The following TECPR2 variants were observed in gnomAD, a reference collection of about 807,000 sequenced individuals.
The protein encoded by TECPR2 is tectonin beta-propeller repeat containing 2.
Under a neutral mutation model 138.1 loss-of-function variants are expected in TECPR2, and 65 were observed. The ratio of observed to expected loss-of-function variants is 0.47; its 90% CI spans 0.39 to 0.58. The LOEUF (loss-of-function observed/expected upper bound fraction) is 0.58, where lower values mean the gene tolerates loss of function less well. Among genes scored for constraint, TECPR2 ranks in the 20% least tolerant of loss-of-function variants. The pLI is 0.00. For synonymous variants in TECPR2, 746 were observed against 749.8 expected, an observed-to-expected ratio of 0.99 and a Z score of 0.08; for missense variants, 1,553 against 1,824.5, an observed-to-expected ratio of 0.85 and a Z score of 2.71.
At chr14:102,436,261 T>G (rs1313408757) in intron 9 of TECPR2, among the ~76,000 whole-genome samples, 1 of 152,082 alleles carries the variant, frequency 6.6e-6, no homozygotes, top group Non-Finnish European at 1.5e-5. Context: ...TGAAACATGC[T>G]GCTTACTTGT....
intron 2 of TECPR2, among the ~76,000 whole-genome samples, chr14:102,399,349 T>C (rs1274292182): frequency 6.6e-6 from 1 of 152,146 alleles, no homozygotes; most frequent in Non-Finnish European, 1.5e-5. Context: ...AAAGAAGACC[T>C]GTCAACTAAC....
chr14:102,429,257 A>C (rs1028366102), intron 7 of TECPR2, among the ~76,000 whole-genome samples: 2 of 152,164 alleles, frequency 1.3e-5, no homozygotes, highest in Non-Finnish European at 2.9e-5. Context: ...ATGGTTGTGG[A>C]AGATGGGGAG....
intron 17 of TECPR2, among the ~76,000 whole-genome samples, chr14:102,489,632 G>C (rs1255315406): frequency 6.6e-6 from 1 of 151,280 alleles, no homozygotes; most frequent in Admixed American, 6.6e-5. Flanking sequence ...TTGAACATGA[G>C]AGGCAGAGGT....
chr14:102,496,735 G>C (rs1031491439), intron 17 of TECPR2: 4 of 549,140 alleles, frequency 7.3e-6, no homozygotes, highest in Non-Finnish European at 1.3e-5. Context: ...TTGGCCTCCT[G>C]CTGGAGTCCA....
Position 102,498,301 on chromosome 14 carries a change from C to T in TECPR2, c.*44C>T, listed in dbSNP as rs763587732. 5.5e-5 allele frequency: 86 copies of T among 1,567,448 alleles called. No homozygotes were observed. The highest frequency in any genetic ancestry group is 5.4e-4 in the African/African-American group (40 of 74,598). ...ACGCGGAGGGGCCCGGCGTCTGTGGCGGGCACAGGGGCTTCAGAGTGACTC... is the reference window on the plus strand; with the variant it reads ...ACGCGGAGGGGCCCGGCGTCTGTGGTGGGCACAGGGGCTTCAGAGTGACTC... On this transcript the variant is annotated 3_prime_UTR_variant, in exon 20 of 20. Coordinates refer to ENST00000359520, the MANE Select transcript of TECPR2 (RefSeq NM_014844.5).
chr14:102,497,503 C>A (rs367844480), intron 18 of TECPR2, 67 bp from the exon 19 acceptor site: 2 of 1,413,876 alleles, frequency 1.4e-6, no homozygotes, highest in African/African-American at 1.5e-5. Context: ...TCACAAGAGT[C>A]GGCTTGGGAA....
At chr14:102,482,980 A>G (rs1301433733) in intron 17 of TECPR2, among the ~76,000 whole-genome samples, 1 of 149,800 alleles carries the variant, frequency 6.7e-6, no homozygotes, top group Non-Finnish European at 1.5e-5. Flanking sequence ...AGTAGCTGGG[A>G]CTACAGGCGC....
At chr14:102,452,981 G>A (rs1348989261) in intron 16 of TECPR2, among the ~76,000 whole-genome samples, 1 of 152,220 alleles carries the variant, frequency 6.6e-6, no homozygotes, top group Non-Finnish European at 1.5e-5. Context: ...CTGAAAAGCT[G>A]AAAAGATGGG....
At chr14:102,445,729 C>T in intron 12 of TECPR2, 77 bp from the exon 13 acceptor site, 1 of 1,500,452 alleles carries the variant, frequency 6.7e-7, no homozygotes, top group Non-Finnish European at 9.0e-7. Flanking sequence ...CCGGGAGACC[C>T]TGGATGTCCG....
rs546457548 is a variant in TECPR2, at chr14:102,434,489, G to T, written c.1672G>T (p.Asp558Tyr). The T allele has an allele frequency of 6.4e-7, 1 of 1,561,916 alleles. No individual in the cohort carries two copies. Among genetic ancestry groups the T allele is most frequent in the South Asian group, 1.2e-5 (1 of 82,402 alleles). ...NVLEVSGSMP[D>Y]SLAEEDDIRT... is the part of the protein sequence containing the mutation. ...CCTGGAGGTGTCAGGATCAATGCCT[G>T]ATTCTCTGGCTGAGGAAGATGACAT... Residue 558 changes from aspartate to tyrosine, a missense_variant, in exon 9 of 20, where the codon GAT becomes TAT. By Grantham distance (160) the Asp-to-Tyr change is radical (BLOSUM62 -3). Coordinates refer to ENST00000359520, the MANE Select transcript of TECPR2 (RefSeq NM_014844.5).
intron 2 of TECPR2, among the ~76,000 whole-genome samples, chr14:102,400,503 G>A (rs76354307): frequency 0.038 from 5,721 of 152,266 alleles, 121 homozygotes; most frequent in Middle Eastern, 0.088. Flanking sequence ...CAGCTGTAAT[G>A]GAGTGGAGCT....
In TECPR2 at chr14:102,443,721, C is replaced by A. The variant is rs376227334; in HGVS notation, c.2827C>A (p.Arg943=). The change falls in exon 12 of 20, where the codon CGG becomes AGG. Residue 943 remains arginine (R), a synonymous_variant. Coordinates refer to ENST00000359520, the MANE Select transcript of TECPR2 (RefSeq NM_014844.5). This position sits in a 1 kb window ranked among gnomAD's most constrained non-coding sequence, Gnocchi z 4.9. The stretch of plus-strand genomic sequence containing the variant: ...CTACCCGCTGTCCCAGATCACAGCC[C>A]GGAACAATGTGGTGTGGGCGCTGAC... The part of the protein sequence containing the change: ...CPYPLSQITA[R]NNVVWALTEQ... The A allele has an allele frequency of 5.0e-6, 8 of 1,613,004 alleles. No homozygotes were observed. Among genetic ancestry groups the A allele is most frequent in the Non-Finnish European group, 5.1e-6 (6 of 1,179,240 alleles).
intron 4 of TECPR2, among the ~76,000 whole-genome samples, chr14:102,411,743 G>T (rs1013437817): frequency 8.5e-6 from 1 of 117,664 alleles, no homozygotes; most frequent in Non-Finnish European, 1.8e-5. Flanking sequence ...AAGATGGCTG[G>T]ATTCTGCATT....
chr14:102,470,304 A>C (rs1281495601), intron 17 of TECPR2, among the ~76,000 whole-genome samples: 2 of 139,100 alleles, frequency 1.4e-5, no homozygotes, highest in African/African-American at 5.4e-5. Context: ...AGGTCTATTC[A>C]GAATTTTTTT....
At chr14:102,391,771 A>G (rs1888184072) in intron 2 of TECPR2, among the ~76,000 whole-genome samples, 1 of 152,052 alleles carries the variant, frequency 6.6e-6, no homozygotes, top group Non-Finnish European at 1.5e-5. Context: ...CAGTGCCAAT[A>G]GTGCTTTGCT....
intron 4 of TECPR2, among the ~76,000 whole-genome samples, chr14:102,413,768 AATTTT>A (rs1888948775): frequency 1.3e-5 from 2 of 152,028 alleles, no homozygotes; most frequent in African/African-American, 2.4e-5. Flanking sequence ...TGCCTTCTAG[AATTTT>A]ATTTTGTGTT....
At chr14:102,465,460 G>T in intron 17 of TECPR2, 171 bp downstream of exon 17, 1 of 1,405,008 alleles carries the variant, frequency 7.1e-7, no homozygotes, top group Non-Finnish European at 9.2e-7. Flanking sequence ...ACTGGAATTC[G>T]GGATTTGTGA....
chr14:102,436,734 C>A (rs1889680276), intron 9 of TECPR2, among the ~76,000 whole-genome samples: 1 of 152,202 alleles, frequency 6.6e-6, no homozygotes, highest in Non-Finnish European at 1.5e-5. Context: ...CAGATGGCAG[C>A]TAGTTGTGGA....
intron 17 of TECPR2, among the ~76,000 whole-genome samples, chr14:102,477,422 G>T (rs1890788629): frequency 6.6e-6 from 1 of 151,956 alleles, no homozygotes; most frequent in Non-Finnish European, 1.5e-5. Context: ...CTTACTCAAG[G>T]CCTGGCAGAA....
Sources: gnomAD v4.1 joint callset for allele counts (sites outside exome capture counted in the v4.1 genomes callset) on GRCh38, gnomAD v4.1.1 for gene constraint, Gnocchi (gnomAD v3.1) non-coding constraint, MANE v1.5 for transcripts, NCBI Gene and HGNC (gene_info 2026-07-23, HGNC 2026-07-21) for gene names.